Variants in AGAP1 observed in about 807,000 individuals in gnomAD.
AGAP1 encodes arf-GAP with GTPase, ANK repeat and PH domain-containing protein 1.
AGAP1 carries 29 observed loss-of-function variants against 105.3 expected under a neutral mutation model. The observed-to-expected ratio is 0.28, with a 90% CI of 0.21 to 0.38. The LOEUF is 0.38. Among genes scored for constraint, AGAP1 ranks in the 10% least tolerant of loss-of-function variants. The probability of loss-of-function intolerance (pLI) is 1.00; values close to 1 mark genes in which losing one functional copy is unlikely to be tolerated. For missense variants in AGAP1, 998 were observed against 1,165.1 expected (o/e 0.86, Z 2.09); for synonymous variants, 509 against 485.9 (o/e 1.05, Z -0.63).
intron 16 of AGAP1, among the ~76,000 whole-genome samples, chr2:236,112,007 G>A (rs752961603): frequency 2.8e-4 from 43 of 152,184 alleles, no homozygotes; most frequent in Non-Finnish European, 3.1e-4. Flanking sequence ...CGGCTCCCAC[G>A]TGGTCTTCCC....
At chr2:235,669,642 C>CCCGCCAG (rs1279070017) in intron 1 of AGAP1, 1 of 148,568 alleles carries the variant, frequency 6.7e-6, no homozygotes, top group Admixed American at 6.8e-5. Flanking sequence ...CCGCCCGCCA[C>CCCGCCAG]CCGCCACCCT....
Position 235,741,084 on chromosome 2 carries a change from TC to T in AGAP1, c.396+39del, listed in dbSNP as rs968019743. The T allele has an allele frequency of 3.3e-6, 5 of 1,500,210 alleles. No individual in the cohort carries two copies. In the Admixed American group the frequency reaches 7.6e-5, roughly 23 times the overall value. The allele number at this position is 1,500,210 out of a possible 1,614,324, so 92.9% of individuals were successfully genotyped here. A position where few individuals can be genotyped will look rare whatever the true frequency, so the allele number is the denominator to read the frequency against. On this transcript the variant is annotated intron_variant, in intron 4 of 17. Coordinates refer to ENST00000304032, the MANE Select transcript of AGAP1 (RefSeq NM_001037131.3). The surrounding 1 kb of genome is among the most constrained non-coding windows in gnomAD (Gnocchi z 4.9). ...ATGCATGCCCCAAGCCTGCTTTTTT[TC>T]CCTTTGTTTTCTAAGGTTTGATTCA...
chr2:235,529,031 T>C (rs890639476), intron 1 of AGAP1, among the ~76,000 whole-genome samples: 1 of 152,230 alleles, frequency 6.6e-6, no homozygotes, highest in Non-Finnish European at 1.5e-5. Context: ...TTGATTCTCC[T>C]GCTGTGTGTC....
chr2:235,788,721 G>T lies in AGAP1; in HGVS notation c.674-9038G>T, dbSNP rs188781322. Among the ~76,000 whole-genome samples, 306 of 152,268 alleles carry T rather than the reference G, an allele frequency of 2.0e-3. 1 individual carries two copies. Among genetic ancestry groups the T allele is most frequent in the African/African-American group, 7.0e-3 (289 of 41,550 alleles). On this transcript the variant is annotated intron_variant, in intron 6 of 17. Coordinates refer to ENST00000304032, the MANE Select transcript of AGAP1 (RefSeq NM_001037131.3). The surrounding 1 kb of genome is among the most constrained non-coding windows in gnomAD (Gnocchi z 6.0). ...AGGGTTCTCCAGACAGGATCATTTG[G>T]AGCCCCTTCTTTCCCAAATGGTGGG... is the stretch of plus-strand genomic sequence containing the variant.
rs185260180 is a variant in AGAP1, at chr2:235,658,231, G to A, written c.164-50948G>A. 3.1e-3 allele frequency among the ~76,000 whole-genome samples: 478 copies of A among 152,040 alleles called. 1 individual carries two copies. Among genetic ancestry groups the A allele is most frequent in the Non-Finnish European group, 5.3e-3 (357 of 67,976 alleles). On this transcript the variant is annotated intron_variant, in intron 1 of 17. Coordinates refer to ENST00000304032, the MANE Select transcript of AGAP1 (RefSeq NM_001037131.3). The stretch of plus-strand genomic sequence containing the variant: ...TTTTGCAAAGCGTTTTTTCTAGTTT[G>A]TGCATACCTTCTTCTATTAGCAAAA...
chr2:235,926,164 A>C (rs973361236), intron 11 of AGAP1, among the ~76,000 whole-genome samples: 1 of 152,250 alleles, frequency 6.6e-6, no homozygotes, highest in African/African-American at 2.4e-5. Flanking sequence ...TCAAGAACAG[A>C]AATGAGATTA....
chr2:235,935,015 TA>T (rs2052920719), intron 12 of AGAP1, among the ~76,000 whole-genome samples: 1 of 151,998 alleles, frequency 6.6e-6, no homozygotes, highest in South Asian at 2.1e-4. Context: ...CCTAATTAGA[TA>T]GATTCCTTTG....
chr2:235,756,635 A>G (rs921025318), intron 6 of AGAP1, among the ~76,000 whole-genome samples: 2 of 152,116 alleles, frequency 1.3e-5, no homozygotes, highest in Admixed American at 6.5e-5. Flanking sequence ...CATGTTTTGT[A>G]TACAGCAGGG....
intron 13 of AGAP1, among the ~76,000 whole-genome samples, chr2:235,999,716 G>A (rs1267626195): frequency 1.6e-5 from 2 of 128,362 alleles, no homozygotes; most frequent in East Asian, 2.1e-4. Flanking sequence ...TAATGGCGAC[G>A]ATGGCAGTTT....
At chr2:235,825,353 A>G (rs980111148) in intron 9 of AGAP1, among the ~76,000 whole-genome samples, 2 of 152,248 alleles carry the variant, frequency 1.3e-5, no homozygotes, top group Non-Finnish European at 2.9e-5. Context: ...CTGTGGCTTC[A>G]TTTTGAGGAA....
intron 6 of AGAP1, among the ~76,000 whole-genome samples, chr2:235,782,045 G>GT (rs1956294809): frequency 1.3e-5 from 2 of 152,306 alleles, no homozygotes; most frequent in African/African-American, 4.8e-5. Flanking sequence ...TTAAGGCCTA[G>GT]TTTAACTGGA....
rs776676255 is a variant in AGAP1, at chr2:235,992,657, A to G, written c.1645+24034A>G. Reference sequence around the variant, plus strand: ...GAAGGCAATACTCATCAGAGTATGCATTAAGTAGCATTGAACCACATTTTT... The same window carrying G: ...GAAGGCAATACTCATCAGAGTATGCGTTAAGTAGCATTGAACCACATTTTT... On this transcript the variant is annotated intron_variant, in intron 13 of 17. Coordinates refer to ENST00000304032, the MANE Select transcript of AGAP1 (RefSeq NM_001037131.3). This position sits in a 1 kb window ranked among gnomAD's most constrained non-coding sequence, Gnocchi z 4.8. Among the ~76,000 whole-genome samples the G allele has an allele frequency of 3.3e-5, 5 of 152,226 alleles. No homozygotes were observed. Among genetic ancestry groups the G allele is most frequent in the Non-Finnish European group, 5.9e-5 (4 of 68,040 alleles).
In AGAP1 at chr2:236,105,197, C is replaced by T. The variant is rs970249972; in HGVS notation, c.2115-14995C>T. ...ACCTACAAGGAAAAGCAGTTAGATT[C>T]GAGCAAAGTGGTGAATTGGTCTGAA... On this transcript the variant is annotated intron_variant, in intron 16 of 17. Transcript: ENST00000304032. This position sits in a 1 kb window ranked among gnomAD's most constrained non-coding sequence, Gnocchi z 4.2. Among the ~76,000 whole-genome samples, 2 of 152,126 alleles carry T rather than the reference C, an allele frequency of 1.3e-5. No homozygotes were observed. Among genetic ancestry groups the T allele is most frequent in the Admixed American group, 6.5e-5 (1 of 15,274 alleles).
At position 235,615,829 on chromosome 2, in the gene AGAP1, T is replaced by G. The variant is rs1280998528; in HGVS notation, c.164-93350T>G. Among the ~76,000 whole-genome samples, 1 of 152,136 alleles carries G rather than the reference T, an allele frequency of 6.6e-6. No homozygotes were observed. Among genetic ancestry groups the G allele is most frequent in the Non-Finnish European group, 1.5e-5 (1 of 68,024 alleles). ...GAAAGGGGATTACTTTGACAGCATC[T>G]GAACAACAGAACACCTTCTGAACAG... is the stretch of plus-strand genomic sequence containing the variant. On this transcript the variant is annotated intron_variant, in intron 1 of 17. Coordinates refer to ENST00000304032, the MANE Select transcript of AGAP1 (RefSeq NM_001037131.3). This position sits in a 1 kb window ranked among gnomAD's most constrained non-coding sequence, Gnocchi z 5.0.
At chr2:235,636,382 G>A (rs1243013793) in intron 1 of AGAP1, among the ~76,000 whole-genome samples, 1 of 152,158 alleles carries the variant, frequency 6.6e-6, no homozygotes, top group Admixed American at 6.5e-5. Context: ...GGGAGCGTTT[G>A]TGGGATCACT....
In AGAP1 at chr2:235,750,989, G is replaced by T. The variant is rs1347057460; in HGVS notation, c.673+501G>T. ...CACGATACCACTCACAGCAGAGGGT[G>T]AGGACCAGCCTTTTGGAATTGTTTT... On this transcript the variant is annotated intron_variant, in intron 6 of 17. Coordinates refer to ENST00000304032, the MANE Select transcript of AGAP1 (RefSeq NM_001037131.3). The surrounding 1 kb of genome is among the most constrained non-coding windows in gnomAD (Gnocchi z 5.3). 6.6e-6 allele frequency among the ~76,000 whole-genome samples: 1 copy of T among 152,178 alleles called. No individual in the cohort carries two copies. The highest frequency in any genetic ancestry group is 2.4e-5 in the African/African-American group (1 of 41,448).
chr2:235,569,444 C>T lies in AGAP1; in HGVS notation c.163+74595C>T, dbSNP rs1322964358. Among the ~76,000 whole-genome samples the T allele has an allele frequency of 1.3e-5, 2 of 152,148 alleles. No homozygotes were observed. The highest frequency in any genetic ancestry group is 2.9e-5 in the Non-Finnish European group (2 of 68,046). On this transcript the variant is annotated intron_variant, in intron 1 of 17. Coordinates refer to ENST00000304032, the MANE Select transcript of AGAP1 (RefSeq NM_001037131.3). This position sits in a 1 kb window ranked among gnomAD's most constrained non-coding sequence, Gnocchi z 5.9. Reference sequence around the variant, plus strand: ...AAGTAGGCTTCGGGATTCAGTTTTACAGATAGGGAAACTTAGGCACAGAGA... The same window carrying T: ...AAGTAGGCTTCGGGATTCAGTTTTATAGATAGGGAAACTTAGGCACAGAGA...
intron 13 of AGAP1, among the ~76,000 whole-genome samples, chr2:235,974,990 C>T (rs2054798940): frequency 6.6e-6 from 1 of 152,162 alleles, no homozygotes; most frequent in African/African-American, 2.4e-5. Flanking sequence ...CATGGGAATT[C>T]AGAAGAAGCA....
Position 235,878,055 on chromosome 2 carries a change from C to G in AGAP1, c.1051-5290C>G, listed in dbSNP as rs553461923. Among the ~76,000 whole-genome samples, 5 of 152,304 alleles carry G rather than the reference C, an allele frequency of 3.3e-5. No individual in the cohort carries two copies. The South Asian group carries it at 1.0e-3, about 32-fold the overall frequency. On this transcript the variant is annotated intron_variant, in intron 9 of 17. Transcript: ENST00000304032. ...ATTTGAGAGAAGGGCCCACGGTGCC[C>G]GTGGAAACCCGAGAGTGTGGCCTCT...
Sources: gnomAD v4.1 joint callset for allele counts (sites outside exome capture counted in the v4.1 genomes callset) on GRCh38, gnomAD v4.1.1 for gene constraint, Gnocchi (gnomAD v3.1) non-coding constraint, MANE v1.5 for transcripts, NCBI Gene and HGNC (gene_info 2026-07-23, HGNC 2026-07-21) for gene names.